SCAPER: variants seen among roughly 807,000 people sequenced by gnomAD.
SCAPER encodes S phase cyclin A-associated protein in the endoplasmic reticulum.
Under a neutral mutation model 182.2 loss-of-function variants are expected in SCAPER, and 98 were observed. The observed-to-expected ratio is 0.54, with a 90% CI of 0.46 to 0.64. The LOEUF is 0.64. SCAPER is among the 30% of genes least tolerant of loss of function. The probability of loss-of-function intolerance (pLI) is 0.00; values close to 1 mark genes in which losing one functional copy is unlikely to be tolerated. For synonymous variants in SCAPER, 605 were observed against 564.6 expected (o/e 1.07, Z -1.01); for missense variants, 1,432 against 1,690.0 (o/e 0.85, Z 2.68).
intron 8 of SCAPER, among the ~76,000 whole-genome samples, chr15:76,794,190 A>G (rs1343600299): frequency 6.6e-6 from 1 of 152,226 alleles, no homozygotes; most frequent in African/African-American, 2.4e-5. Flanking sequence ...AAGAGTTACC[A>G]TAAGTATAGA....
chr15:76,900,614 C>T (rs967470828), intron 1 of SCAPER, among the ~76,000 whole-genome samples: 2 of 152,120 alleles, frequency 1.3e-5, no homozygotes, highest in Non-Finnish European at 1.5e-5. Context: ...TCTTATTCTG[C>T]CCTGCAATCC....
chr15:76,401,340 T>C (rs1470442536), intron 27 of SCAPER, among the ~76,000 whole-genome samples: 1 of 152,156 alleles, frequency 6.6e-6, no homozygotes, highest in Non-Finnish European at 1.5e-5. Flanking sequence ...TGAAACCCTA[T>C]GCCATCTCCC....
intron 24 of SCAPER, among the ~76,000 whole-genome samples, chr15:76,497,416 C>T (rs2040663090): frequency 6.6e-6 from 1 of 151,898 alleles, no homozygotes. Context: ...TTGAGGGGAG[C>T]ACCACATGGA....
rs776108930 is a variant in SCAPER, at chr15:76,765,368, G to T, written c.1582C>A (p.His528Asn). 6.2e-7 allele frequency: 1 copy of T among 1,613,218 alleles called. No individual in the cohort carries two copies. Among genetic ancestry groups the T allele is most frequent in the South Asian group, 1.1e-5 (1 of 90,938 alleles). Residue 528 changes from histidine (H) to asparagine (N), a missense_variant, in exon 13 of 32, where the codon CAT becomes AAT. Physicochemically the swap from His to Asn is moderately conservative, Grantham distance 68. Coordinates refer to ENST00000563290, the MANE Select transcript of SCAPER (RefSeq NM_020843.4). Reference protein sequence around the residue: ...ARPPGHGIHMHEKLSSPSRKR... With the variant: ...ARPPGHGIHMNEKLSSPSRKR... ...CGAGAGGGTGAAGAAAGTTTTTCAT[G>T]CATGTGAATTCCATGCCCTGGAGGT...
intron 20 of SCAPER, among the ~76,000 whole-genome samples, chr15:76,693,406 A>G (rs563225102): frequency 5.0e-4 from 76 of 152,314 alleles, no homozygotes; most frequent in Non-Finnish European, 7.1e-4. Context: ...ACACCTCATT[A>G]GCTGTGGAAA....
intron 22 of SCAPER, among the ~76,000 whole-genome samples, chr15:76,606,492 G>T (rs2050414480): frequency 6.6e-6 from 1 of 152,160 alleles, no homozygotes; most frequent in South Asian, 2.1e-4. Flanking sequence ...TGTATATTCT[G>T]TTGATTTGGG....
chr15:76,463,441 T>C (rs1457619280), intron 25 of SCAPER, among the ~76,000 whole-genome samples: 1 of 152,168 alleles, frequency 6.6e-6, no homozygotes, highest in Non-Finnish European at 1.5e-5. Context: ...ATCCAGGGCT[T>C]TCTTGTCACC....
At chr15:76,752,118 G>GC (rs1188000710) in intron 15 of SCAPER, among the ~76,000 whole-genome samples, 1 of 149,426 alleles carries the variant, frequency 6.7e-6, no homozygotes, top group Non-Finnish European at 1.5e-5. Flanking sequence ...TGGCCAATAA[G>GC]CACATGAAAA....
chr15:76,625,657 G>A (rs1268694977), intron 21 of SCAPER, among the ~76,000 whole-genome samples: 1 of 152,168 alleles, frequency 6.6e-6, no homozygotes, highest in Non-Finnish European at 1.5e-5. Context: ...GGGCTCAGGA[G>A]TATGTGAGGC....
At chr15:76,355,887 C>T (rs2040927228) in intron 29 of SCAPER, among the ~76,000 whole-genome samples, 2 of 152,216 alleles carry the variant, frequency 1.3e-5, no homozygotes, top group Admixed American at 1.3e-4. Flanking sequence ...AGTGAGATGA[C>T]TTGCCAGAAG....
chr15:76,645,848 C>T (rs758056789), intron 21 of SCAPER, among the ~76,000 whole-genome samples: 11 of 152,058 alleles, frequency 7.2e-5, no homozygotes, highest in Non-Finnish European at 1.0e-4. Flanking sequence ...TAAAAACACA[C>T]GAATGGGTGT....
At chr15:76,509,280 C>T (rs1304995298) in intron 23 of SCAPER, among the ~76,000 whole-genome samples, 2 of 152,182 alleles carry the variant, frequency 1.3e-5, no homozygotes, top group Admixed American at 1.3e-4. Context: ...AGCTTTCACA[C>T]TGATTCAGCC....
chr15:76,859,982 C>T (rs908484059), intron 3 of SCAPER, among the ~76,000 whole-genome samples: 77 of 152,258 alleles, frequency 5.1e-4, no homozygotes, highest in Non-Finnish European at 1.2e-4. Context: ...TCCCAAAGTG[C>T]TAGGATTACA....
At chr15:76,664,142 G>T (rs2056399936) in intron 21 of SCAPER, among the ~76,000 whole-genome samples, 1 of 152,136 alleles carries the variant, frequency 6.6e-6, no homozygotes, top group Non-Finnish European at 1.5e-5. Context: ...AATCCTTGAG[G>T]TTTTGACAAG....
At chr15:76,852,773 T>C (rs966862144) in intron 4 of SCAPER, among the ~76,000 whole-genome samples, 2 of 152,000 alleles carry the variant, frequency 1.3e-5, no homozygotes, top group African/African-American at 4.8e-5. Flanking sequence ...ACATCACAAC[T>C]AAGAGAATTA....
chr15:76,526,631 CT>C (rs1327590157), intron 23 of SCAPER, among the ~76,000 whole-genome samples: 3 of 151,946 alleles, frequency 2.0e-5, no homozygotes, highest in African/African-American at 7.3e-5. Context: ...AGATATAGTC[CT>C]TAATATTAAT....
intron 15 of SCAPER, among the ~76,000 whole-genome samples, chr15:76,752,670 G>A (rs1250987422): frequency 1.3e-5 from 2 of 151,704 alleles, no homozygotes; most frequent in South Asian, 4.1e-4. Context: ...GGTACTTACA[G>A]TAGTCAAAAT....
At chr15:76,774,294 A>T in intron 9 of SCAPER, 1 of 292,280 alleles carries the variant, frequency 3.4e-6, no homozygotes, top group Non-Finnish European at 6.5e-6. Context: ...TGTATTCTTC[A>T]AAACTATTAA....
intron 8 of SCAPER, among the ~76,000 whole-genome samples, chr15:76,785,808 T>C (rs1330372000): frequency 2.0e-5 from 3 of 152,036 alleles, no homozygotes; most frequent in Non-Finnish European, 2.9e-5. Flanking sequence ...TTCTCACTCA[T>C]AGGTGGGAAC....
Sources: allele counts gnomAD v4.1 joint callset (sites outside exome capture counted in the v4.1 genomes callset), GRCh38; gene constraint gnomAD v4.1.1; transcripts MANE v1.5; gene names NCBI Gene and HGNC (gene_info 2026-07-23, HGNC 2026-07-21).